The following PCDHGA12 variants were observed in gnomAD, a reference collection of about 807,000 sequenced individuals.
PCDHGA12 encodes protocadherin gamma subfamily A, 12, also known as protocadherin gamma-A12.
A neutral mutation model predicts 61.1 loss-of-function variants in PCDHGA12; 43 were observed. That is an observed-to-expected ratio of 0.70 (90% confidence interval 0.55 to 0.91). PCDHGA12 has a LOEUF of 0.91. Ranked by LOEUF, PCDHGA12 falls within the 40% of genes least tolerant of loss-of-function variation. The probability of loss-of-function intolerance (pLI) is 0.00; values close to 1 mark genes in which losing one functional copy is unlikely to be tolerated. For synonymous variants in PCDHGA12, 520 were observed against 542.9 expected (o/e 0.96, Z 0.59); for missense variants, 1,236 against 1,227.7 (o/e 1.01, Z -0.10).
chr5:141,481,179 T>C (rs115525079), intron 1 of PCDHGA12, among the ~76,000 whole-genome samples: 16 of 152,358 alleles, frequency 1.1e-4, no homozygotes, highest in African/African-American at 3.6e-4. Flanking sequence ...TCCAGCTTTA[T>C]TGGGCCAGGC....
At chr5:141,478,239 C>G in intron 1 of PCDHGA12, 1 of 1,614,132 alleles carries the variant, frequency 6.2e-7, no homozygotes. Flanking sequence ...TTTGTGGTCA[C>G]AGTGTTCGGA....
intron 1 of PCDHGA12, among the ~76,000 whole-genome samples, chr5:141,482,884 C>A (rs2099574053): frequency 6.6e-6 from 1 of 152,116 alleles, no homozygotes; most frequent in Non-Finnish European, 1.5e-5. Flanking sequence ...CCAGCCTGGC[C>A]AACATGGTGA....
Position 141,491,401 on chromosome 5 carries a change from G to A in PCDHGA12, c.2425-3406G>A. The A allele has an allele frequency of 6.2e-7, 1 of 1,614,100 alleles. No homozygotes were observed. ...GTCAGCGAAGTGCCTTCAGGGAAAC[G>A]CAGACGGGGACGGGGGTGGAGGGCA... On this transcript the variant is annotated intron_variant, in intron 1 of 3. Transcript: ENST00000252085. This position sits in a 1 kb window ranked among gnomAD's most constrained non-coding sequence, Gnocchi z 6.9.
At chr5:141,505,123 C>T (rs1320836386) in intron 2 of PCDHGA12, among the ~76,000 whole-genome samples, 1 of 152,192 alleles carries the variant, frequency 6.6e-6, no homozygotes, top group African/African-American at 2.4e-5. Flanking sequence ...GATCGCGCCA[C>T]TGCACTCCAG....
At position 141,490,521 on chromosome 5, in the gene PCDHGA12, C is replaced by T. The variant is rs146064810; in HGVS notation, c.2425-4286C>T. The stretch of plus-strand genomic sequence containing the variant: ...ACTATATCATCGAGCTGCTGGCCAG[C>T]GATGCTGGTTCACCTTCCCTACACA... On this transcript the variant is annotated intron_variant, in intron 1 of 3. Coordinates refer to ENST00000252085, the MANE Select transcript of PCDHGA12 (RefSeq NM_003735.3). This position sits in a 1 kb window ranked among gnomAD's most constrained non-coding sequence, Gnocchi z 5.4. The T allele has an allele frequency of 1.0e-4, 166 of 1,614,058 alleles. No individual in the cohort carries two copies. In the African/African-American group the frequency reaches 1.7e-3, roughly 16 times the overall value.
rs956263164 is a variant in PCDHGA12 at position 141,511,304 on chromosome 5, C to G, written c.*131C>G. The G allele has an allele frequency of 3.3e-5, 49 of 1,490,320 alleles. No homozygotes were observed. The highest frequency in any genetic ancestry group is 4.2e-5 in the African/African-American group (3 of 71,286). The allele number at this position is 1,490,320 out of a possible 1,614,324, so 92.3% of individuals were successfully genotyped here. ...TGGTAGGGGCCAAGGCCATGCTCCC[C>G]TTGGGAAACAGAAACAAGTGCCCAG... On this transcript the variant is annotated 3_prime_UTR_variant, in exon 4 of 4. Coordinates refer to ENST00000252085, the MANE Select transcript of PCDHGA12 (RefSeq NM_003735.3).
chr5:141,476,978 C>A lies in PCDHGA12; in HGVS notation c.2425-17829C>A, dbSNP rs1468851988. The A allele has an allele frequency of 2.5e-6, 4 of 1,614,138 alleles. No individual in the cohort carries two copies. Among genetic ancestry groups the A allele is most frequent in the Admixed American group, 3.3e-5 (2 of 60,012 alleles). On this transcript the variant is annotated intron_variant, in intron 1 of 3. Transcript: ENST00000252085. This position sits in a 1 kb window ranked among gnomAD's most constrained non-coding sequence, Gnocchi z 7.6. ...TATTTACTCCTTCGGCAGCCACAAC[C>A]GCGCCGGCGTGCGGCAACTATTCGC...
chr5:141,451,301 G>T (rs963686418), intron 1 of PCDHGA12, among the ~76,000 whole-genome samples: 3 of 152,196 alleles, frequency 2.0e-5, no homozygotes, highest in Non-Finnish European at 4.4e-5. Flanking sequence ...AGTCTTACAA[G>T]GCAGCAATTA....
Position 141,431,363 on chromosome 5 carries a change from C to A in PCDHGA12, c.604C>A (p.Arg202Ser). ...ATTGGTGCTGAAACGCGCCCTGGAC[C>A]GCGAAGAAAAGGCTGCTCACCACCT... ...PELVLKRALD[R>S]EEKAAHHLVL... Residue 202 changes from arginine (R) to serine (S), a missense_variant, in exon 1 of 4, where the codon CGC becomes AGC. Transcript: ENST00000252085. The surrounding 1 kb of genome is among the most constrained non-coding windows in gnomAD (Gnocchi z 4.8). 1 of 1,614,024 alleles carries A rather than the reference C, an allele frequency of 6.2e-7. No homozygotes were observed. Among genetic ancestry groups the A allele is most frequent in the Non-Finnish European group, 8.5e-7 (1 of 1,180,028 alleles).
At chr5:141,470,078 G>C (rs542998375) in intron 1 of PCDHGA12, among the ~76,000 whole-genome samples, 21 of 152,182 alleles carry the variant, frequency 1.4e-4, no homozygotes, top group Non-Finnish European at 2.9e-4. Context: ...GTAGTGATCT[G>C]AGATCATGCC....
chr5:141,465,629 C>A (rs1048373153), intron 1 of PCDHGA12, among the ~76,000 whole-genome samples: 1 of 152,204 alleles, frequency 6.6e-6, no homozygotes, highest in Non-Finnish European at 1.5e-5. Flanking sequence ...AGTCAACCAG[C>A]AAAATGCTTT....
intron 1 of PCDHGA12, among the ~76,000 whole-genome samples, chr5:141,494,072 C>G (rs2099751672): frequency 6.6e-6 from 1 of 152,160 alleles, no homozygotes; most frequent in Non-Finnish European, 1.5e-5. Flanking sequence ...CTGGATCCCT[C>G]CCCGCTGCAT....
chr5:141,497,412 A>G (rs963440048), intron 2 of PCDHGA12, among the ~76,000 whole-genome samples: 13 of 151,982 alleles, frequency 8.6e-5, no homozygotes, highest in African/African-American at 3.1e-4. Flanking sequence ...CTCCCATTCC[A>G]TCAAATGAGA....
Position 141,491,995 on chromosome 5 carries a change from G to C in PCDHGA12, c.2425-2812G>C, listed in dbSNP as rs76332593. On this transcript the variant is annotated intron_variant, in intron 1 of 3. Transcript: ENST00000252085. The surrounding 1 kb of genome is among the most constrained non-coding windows in gnomAD (Gnocchi z 6.9). ...CTCCTTCGAGCTTCCGGTGAATTTC[G>C]GGCGATTTCCGCGGGTGTCGGGGGT... is the stretch of plus-strand genomic sequence containing the variant. 0.033 allele frequency: 22,941 copies of C among 696,644 alleles called. 426 individuals carry two copies. The highest frequency in any genetic ancestry group is 0.093 in the Middle Eastern group (249 of 2,666). The allele number at this position is 696,644 out of a possible 1,614,324, so 43.2% of individuals were successfully genotyped here. A position where few individuals can be genotyped will look rare whatever the true frequency, so the allele number is the denominator to read the frequency against.
At chr5:141,448,263 A>G (rs2098578874) in intron 1 of PCDHGA12, among the ~76,000 whole-genome samples, 1 of 152,088 alleles carries the variant, frequency 6.6e-6, no homozygotes, top group Non-Finnish European at 1.5e-5. Flanking sequence ...ATTTTACAGT[A>G]TATATACTGT....
chr5:141,449,584 G>C (rs2098645697), intron 1 of PCDHGA12, among the ~76,000 whole-genome samples: 1 of 123,190 alleles, frequency 8.1e-6, no homozygotes, highest in South Asian at 2.5e-4. Context: ...GCAAGACTCT[G>C]TCTCAAAAAA....
In PCDHGA12 at chr5:141,432,690, T is replaced by A. The variant is rs764124373; in HGVS notation, c.1931T>A (p.Val644Glu). 5.0e-6 allele frequency: 8 copies of A among 1,613,854 alleles called. No individual in the cohort carries two copies. The highest frequency in any genetic ancestry group is 2.7e-5 in the African/African-American group (2 of 74,940). ...DRDALKQSLVVAVQDHGQPPL... is the reference protein window; with the variant it reads ...DRDALKQSLVEAVQDHGQPPL... ...GACGCGCTCAAGCAGAGCCTCGTAGTGGCCGTCCAGGACCACGGCCAGCCC... is the reference window on the plus strand; with the variant it reads ...GACGCGCTCAAGCAGAGCCTCGTAGAGGCCGTCCAGGACCACGGCCAGCCC... Residue 644 changes from valine to glutamate, a missense_variant, in exon 1 of 4, where the codon GTG becomes GAG. Coordinates refer to ENST00000252085, the MANE Select transcript of PCDHGA12 (RefSeq NM_003735.3). This position sits in a 1 kb window ranked among gnomAD's most constrained non-coding sequence, Gnocchi z 6.0.
At position 141,432,119 on chromosome 5, in the gene PCDHGA12, C is replaced by T. The variant is rs1273427353; in HGVS notation, c.1360C>T (p.Gln454Ter). The change falls in exon 1 of 4, where the codon CAG becomes TAG. Residue 454 changes from glutamine to a stop codon, truncating the protein, a stop_gained. Transcript: ENST00000252085. LOFTEE classifies it high-confidence loss of function. The surrounding 1 kb of genome is among the most constrained non-coding windows in gnomAD (Gnocchi z 6.0). Reference protein sequence around the residue: ...DTNDNPPVFPQASYSAYIPEN... With the variant: ...DTNDNPPVFP ...CAACGACAACCCGCCGGTCTTCCCT[C>T]AGGCCTCCTATTCCGCTTATATCCC... is the stretch of plus-strand genomic sequence containing the variant. 7 of 1,614,184 alleles carry T rather than the reference C, an allele frequency of 4.3e-6. No homozygotes were observed. Among genetic ancestry groups the T allele is most frequent in the Non-Finnish European group, 5.9e-6 (7 of 1,180,032 alleles).
chr5:141,489,636 C>T lies in PCDHGA12; in HGVS notation c.2425-5171C>T. On this transcript the variant is annotated intron_variant, in intron 1 of 3. Coordinates refer to ENST00000252085, the MANE Select transcript of PCDHGA12 (RefSeq NM_003735.3). The surrounding 1 kb of genome is among the most constrained non-coding windows in gnomAD (Gnocchi z 4.5). ...TGGATCTCAATGACAACTCTCCTAG[C>T]TTTGCCACCCCTGAGCGAGAGATGC... 1.2e-6 allele frequency: 2 copies of T among 1,614,190 alleles called. No homozygotes were observed. The highest frequency in any genetic ancestry group is 1.7e-6 in the Non-Finnish European group (2 of 1,180,030).
Sources: allele counts gnomAD v4.1 joint callset (sites outside exome capture counted in the v4.1 genomes callset), GRCh38; gene constraint gnomAD v4.1.1; non-coding constraint Gnocchi (gnomAD v3.1); transcripts MANE v1.5; gene names NCBI Gene and HGNC (gene_info 2026-07-23, HGNC 2026-07-21).